The following PLCG1 variants were observed in gnomAD, a reference collection of about 807,000 sequenced individuals.
PLCG1 encodes 1-phosphatidylinositol 4,5-bisphosphate phosphodiesterase gamma-1.
Under a neutral mutation model 177.8 loss-of-function variants are expected in PLCG1, and 71 were observed. That is an observed-to-expected ratio of 0.40 (90% CI 0.33 to 0.49). The LOEUF (loss-of-function observed/expected upper bound fraction) is 0.49. PLCG1 is among the 20% of genes least tolerant of loss of function. The pLI, the probability that PLCG1 is intolerant of heterozygous loss-of-function variation, is 0.72. For missense variants in PLCG1, 1,281 were observed against 1,709.0 expected (o/e 0.75, Z 4.42); for synonymous variants, 658 against 647.9 (o/e 1.02, Z -0.24).
At position 41,148,191 on chromosome 20, in the gene PLCG1, C is replaced by G. The variant is rs2035055307; in HGVS notation, c.217+10333C>G. On this transcript the variant is annotated intron_variant, in intron 1 of 31. Coordinates refer to ENST00000685551, the MANE Select transcript of PLCG1 (RefSeq NM_002660.3). This position sits in a 1 kb window ranked among gnomAD's most constrained non-coding sequence, Gnocchi z 4.3. ...ATTTACTCTGTTGGAGGCTTAAGGA[C>G]TAAACCAACATTTACTGTCCAAGAG... Among the ~76,000 whole-genome samples, 2 of 152,206 alleles carry G rather than the reference C, an allele frequency of 1.3e-5. No homozygotes were observed. The highest frequency in any genetic ancestry group is 1.9e-4 in the East Asian group (1 of 5,202).
Position 41,176,672 on chromosome 20 carries a change from A to G in PLCG1, c.*2163A>G, listed in dbSNP as rs2036073331. On this transcript the variant is annotated 3_prime_UTR_variant, in exon 32 of 32. Coordinates refer to ENST00000685551, the MANE Select transcript of PLCG1 (RefSeq NM_002660.3). ...TCACCTCTCTTGGGCTCTGTAAGAC[A>G]TTGCCTTTGCCTCACTGCAAATGTT... 6.6e-6 allele frequency: 1 copy of G among 152,158 alleles called. No homozygotes were observed. Among genetic ancestry groups the G allele is most frequent in the South Asian group, 2.1e-4 (1 of 4,816 alleles). 9.4% of individuals were successfully genotyped at this position (152,158 alleles called of 1,614,324 possible). A position where few individuals can be genotyped will look rare whatever the true frequency, so the allele number is the denominator to read the frequency against.
rs2035929296 is a variant in PLCG1 at position 41,172,361 on chromosome 20, TA to T, written c.2906-59del. 2.3e-5 allele frequency: 37 copies of T among 1,575,750 alleles called. No homozygotes were observed. Among genetic ancestry groups the T allele is most frequent in the Non-Finnish European group, 3.1e-5 (36 of 1,145,200 alleles). ...GGTGGGTGCAAAAAGAGTATTTAGG[TA>T]TCCCCCCAACACTTCCTGGGTGGGC... On this transcript the variant is annotated intron_variant, in intron 25 of 31. Coordinates refer to ENST00000685551, the MANE Select transcript of PLCG1 (RefSeq NM_002660.3). This position sits in a 1 kb window ranked among gnomAD's most constrained non-coding sequence, Gnocchi z 7.0.
Position 41,169,149 on chromosome 20 carries a change from C to G in PLCG1, c.2554C>G (p.Pro852Ala), listed in dbSNP as rs371221687. The G allele has an allele frequency of 2.3e-5, 37 of 1,613,444 alleles. No individual in the cohort carries two copies. The highest frequency in any genetic ancestry group is 3.1e-5 in the Non-Finnish European group (36 of 1,179,460). Residue 852 changes from proline (P) to alanine (A), a missense_variant, in exon 22 of 32, where the codon CCC becomes GCC. Coordinates refer to ENST00000685551, the MANE Select transcript of PLCG1 (RefSeq NM_002660.3). ...AAACTACGTGGAAGAGATGGTCAAC[C>G]CCGTGGCCCTGGAGCCGGAGAGGGA... ...PSNYVEEMVN[P>A]VALEPEREHL...
chr20:41,171,101 C>T (rs1460229027), intron 24 of PLCG1, among the ~76,000 whole-genome samples: 1 of 152,222 alleles, frequency 6.6e-6, no homozygotes, highest in Non-Finnish European at 1.5e-5. Flanking sequence ...GGAATTCCTA[C>T]TTGGTGGCCC....
Position 41,160,258 on chromosome 20 carries a change from C to T in PLCG1, c.512+105C>T, listed in dbSNP as rs2035454090. 47 of 1,027,072 alleles carry T rather than the reference C, an allele frequency of 4.6e-5. No individual in the cohort carries two copies. The highest frequency in any genetic ancestry group is 6.8e-5 in the Non-Finnish European group (45 of 660,646). 63.6% of individuals were successfully genotyped at this position (1,027,072 alleles called of 1,614,324 possible). ...CCGGAGAGCCAGAGGACCCAGGGGA[C>T]CTTAAGTGGGGCCAGGAGGGTGGGC... On this transcript the variant is annotated intron_variant, in intron 4 of 31. Transcript: ENST00000685551. The surrounding 1 kb of genome is among the most constrained non-coding windows in gnomAD (Gnocchi z 5.5).
Position 41,148,539 on chromosome 20 carries a change from A to G in PLCG1, c.217+10681A>G, listed in dbSNP as rs2035066243. 6.6e-6 allele frequency among the ~76,000 whole-genome samples: 1 copy of G among 152,048 alleles called. No homozygotes were observed. Among genetic ancestry groups the G allele is most frequent in the African/African-American group, 2.4e-5 (1 of 41,384 alleles). ...GGCTGTGGTCAGGAGGGCCTCATTT[A>G]TCTAGTGAGCAGGAACAGGTTATAT... On this transcript the variant is annotated intron_variant, in intron 1 of 31. Coordinates refer to ENST00000685551, the MANE Select transcript of PLCG1 (RefSeq NM_002660.3). The surrounding 1 kb of genome is among the most constrained non-coding windows in gnomAD (Gnocchi z 4.3).
rs975914091 is a variant in PLCG1 at position 41,177,194 on chromosome 20, C to G, written c.*2685C>G. The G allele has an allele frequency of 1.1e-4, 16 of 152,236 alleles. No individual in the cohort carries two copies. Among genetic ancestry groups the G allele is most frequent in the Admixed American group, 4.6e-4 (7 of 15,286 alleles). The allele number at this position is 152,236 out of a possible 1,614,324, so 9.4% of individuals were successfully genotyped here. On this transcript the variant is annotated 3_prime_UTR_variant, in exon 32 of 32. Coordinates refer to ENST00000685551, the MANE Select transcript of PLCG1 (RefSeq NM_002660.3). ...ATCACCAGTAGAACCTTCTGGCTGACAGACCAGGGACAAGTAGACTGGGTT... is the reference window on the plus strand; with the variant it reads ...ATCACCAGTAGAACCTTCTGGCTGAGAGACCAGGGACAAGTAGACTGGGTT...
chr20:41,172,410 G>A lies in PLCG1; in HGVS notation c.2906-11G>A. 1 of 1,613,010 alleles carries A rather than the reference G, an allele frequency of 6.2e-7. No individual in the cohort carries two copies. Among genetic ancestry groups the A allele is most frequent in the Non-Finnish European group, 8.5e-7 (1 of 1,178,984 alleles). On this transcript the variant is annotated splice_polypyrimidine_tract_variant and intron_variant, in intron 25 of 31. Transcript: ENST00000685551. This position sits in a 1 kb window ranked among gnomAD's most constrained non-coding sequence, Gnocchi z 7.0. ...GGCGGGCTCTGTAAGTGTTTTCCCT[G>A]TTTGGCCCAGAGATTGGCACAGAAC...
chr20:41,165,375 C>T lies in PLCG1; in HGVS notation c.1509+8C>T, dbSNP rs781730960. The T allele has an allele frequency of 6.2e-7, 1 of 1,614,156 alleles. No homozygotes were observed. The highest frequency in any genetic ancestry group is 8.5e-7 in the Non-Finnish European group (1 of 1,179,996). The stretch of plus-strand genomic sequence containing the variant: ...GAGGACCCTGTGAACCACGTGAGGA[C>T]TGGGCCAGGCTGGGGGTGGTAGGCC... On this transcript the variant is annotated splice_region_variant and intron_variant, in intron 14 of 31. Transcript: ENST00000685551. This position sits in a 1 kb window ranked among gnomAD's most constrained non-coding sequence, Gnocchi z 6.6.
chr20:41,168,313 AC>A (rs995632599), intron 20 of PLCG1, among the ~76,000 whole-genome samples: 1 of 150,088 alleles, frequency 6.7e-6, no homozygotes, highest in Non-Finnish European at 1.5e-5. Flanking sequence ...CCTATTTCTC[AC>A]CCCCTCCCCT....
rs755393973 is a variant in PLCG1, at chr20:41,165,373, G to C, written c.1509+6G>C. ...TGGAGGACCCTGTGAACCACGTGAG[G>C]ACTGGGCCAGGCTGGGGGTGGTAGG... On this transcript the variant is annotated splice_donor_region_variant and intron_variant, in intron 14 of 31. Coordinates refer to ENST00000685551, the MANE Select transcript of PLCG1 (RefSeq NM_002660.3). This position sits in a 1 kb window ranked among gnomAD's most constrained non-coding sequence, Gnocchi z 6.6. The C allele has an allele frequency of 6.2e-7, 1 of 1,614,064 alleles. No individual in the cohort carries two copies. The highest frequency in any genetic ancestry group is 1.3e-5 in the African/African-American group (1 of 74,936).
rs1045988288 is a variant in PLCG1 at position 41,166,083 on chromosome 20, CCTCCCTCCTTGAGG to C, written c.1800-97_1800-84del. 1.4e-5 allele frequency: 13 copies of C among 924,432 alleles called. No individual in the cohort carries two copies. The highest frequency in any genetic ancestry group is 3.6e-5 in the East Asian group (1 of 27,906). 57.3% of individuals were successfully genotyped at this position (924,432 alleles called of 1,614,324 possible). A position where few individuals can be genotyped will look rare whatever the true frequency, so the allele number is the denominator to read the frequency against. ...ACACCTGAGCTCCTCAGGAGATTGG[CCTCCCTCCTTGAGG>C]CTCCCTCCTTGAGTTCCACCCTCAT... On this transcript the variant is annotated intron_variant, in intron 16 of 31. Coordinates refer to ENST00000685551, the MANE Select transcript of PLCG1 (RefSeq NM_002660.3). The surrounding 1 kb of genome is among the most constrained non-coding windows in gnomAD (Gnocchi z 8.6).
In PLCG1 at chr20:41,163,602, C is replaced by T. The variant is rs890614533; in HGVS notation, c.892-113C>T. The T allele has an allele frequency of 2.9e-5, 31 of 1,053,756 alleles. No homozygotes were observed. The highest frequency in any genetic ancestry group is 4.3e-5 in the Non-Finnish European group (29 of 678,156). The allele number at this position is 1,053,756 out of a possible 1,614,324, so 65.3% of individuals were successfully genotyped here. ...CACCTTGTTTCTACCTACTGTGCAC[C>T]TTGCCCACCCCCAGTTGGGACAGAG... On this transcript the variant is annotated intron_variant, in intron 9 of 31. Coordinates refer to ENST00000685551, the MANE Select transcript of PLCG1 (RefSeq NM_002660.3). This position sits in a 1 kb window ranked among gnomAD's most constrained non-coding sequence, Gnocchi z 5.2.
intron 24 of PLCG1, 37 bp downstream of exon 24, chr20:41,170,306 T>C: frequency 1.9e-6 from 3 of 1,612,524 alleles, no homozygotes; most frequent in South Asian, 1.1e-5. Flanking sequence ...GGGCAGTGTG[T>C]GGGCCCGTCA....
rs759966114 is a variant in PLCG1, at chr20:41,170,240, C to T, written c.2779C>T (p.Arg927Cys). 21 of 1,614,062 alleles carry T rather than the reference C, an allele frequency of 1.3e-5. No individual in the cohort carries two copies. Among genetic ancestry groups the T allele is most frequent in the Non-Finnish European group, 1.7e-5 (20 of 1,179,996 alleles). ...GCTGCAGGACTGGGTGAAAAAGATC[C>T]GTGAAGTGGCCCAGACAGCAGACGC... ...EELQDWVKKI[R>C]EVAQTADARL... is the part of the protein sequence containing the mutation. Residue 927 changes from arginine (R) to cysteine (C), a missense_variant, in exon 24 of 32, where the codon CGT becomes TGT. Arg to Cys is a radical substitution (Grantham distance 180, BLOSUM62 -3). Coordinates refer to ENST00000685551, the MANE Select transcript of PLCG1 (RefSeq NM_002660.3).
chr20:41,164,899 A>C lies in PLCG1; in HGVS notation c.1218-34A>C. On this transcript the variant is annotated intron_variant, in intron 12 of 31. Transcript: ENST00000685551. The surrounding 1 kb of genome is among the most constrained non-coding windows in gnomAD (Gnocchi z 6.4). ...CTACTTAGACCCAGAGAATTGCAGAATCTGTTTCACTGTGCTTGTCCCCCA... is the reference window on the plus strand; with the variant it reads ...CTACTTAGACCCAGAGAATTGCAGACTCTGTTTCACTGTGCTTGTCCCCCA... 6.3e-7 allele frequency: 1 copy of C among 1,597,926 alleles called. No homozygotes were observed. The highest frequency in any genetic ancestry group is 1.3e-5 in the African/African-American group (1 of 74,780).
At chr20:41,168,435 C>T (rs1175426209) in intron 20 of PLCG1, among the ~76,000 whole-genome samples, 1 of 152,254 alleles carries the variant, frequency 6.6e-6, no homozygotes, top group African/African-American at 2.4e-5. Flanking sequence ...CTCAGGGCCA[C>T]TGCAGACCCT....
chr20:41,172,990 TG>T lies in PLCG1; in HGVS notation c.3279+116del. ...TTTTCAGGCATCAAGGTGGTCAGGG[TG>T]GGTGGGGCCTGAGCTGAGTCTTTGA... On this transcript the variant is annotated intron_variant, in intron 27 of 31. Coordinates refer to ENST00000685551, the MANE Select transcript of PLCG1 (RefSeq NM_002660.3). The surrounding 1 kb of genome is among the most constrained non-coding windows in gnomAD (Gnocchi z 7.0). 1 of 1,136,802 alleles carries T rather than the reference TG, an allele frequency of 8.8e-7. No individual in the cohort carries two copies. Among genetic ancestry groups the T allele is most frequent in the Non-Finnish European group, 1.2e-6 (1 of 802,146 alleles). 70.4% of individuals were successfully genotyped at this position (1,136,802 alleles called of 1,614,324 possible).
intron 1 of PLCG1, among the ~76,000 whole-genome samples, chr20:41,141,391 C>T (rs997249045): frequency 3.3e-5 from 5 of 152,210 alleles, no homozygotes; most frequent in African/African-American, 1.2e-4. Context: ...GTGAGGGTGG[C>T]GGAAGAAAAC....
Sources: allele counts gnomAD v4.1 joint callset (sites outside exome capture counted in the v4.1 genomes callset), GRCh38; gene constraint gnomAD v4.1.1; non-coding constraint Gnocchi (gnomAD v3.1); transcripts MANE v1.5; gene names NCBI Gene and HGNC (gene_info 2026-07-23, HGNC 2026-07-21).